COX10: variants seen among roughly 807,000 people sequenced by gnomAD.
COX10 encodes the protein cytochrome c oxidase assembly factor heme A:farnesyltransferase COX10.
A neutral mutation model predicts 37.3 loss-of-function variants in COX10; 27 were observed. That is an observed-to-expected ratio of 0.72 (90% CI 0.53 to 1.00). The LOEUF (loss-of-function observed/expected upper bound fraction) is 1.00, where lower values mean the gene tolerates loss of function less well. COX10 is among the 50% of genes least tolerant of loss of function. The probability of loss-of-function intolerance (pLI) is 0.00; values close to 1 mark genes in which losing one functional copy is unlikely to be tolerated. For missense variants in COX10, 475 were observed against 563.2 expected (o/e 0.84, Z 1.59); for synonymous variants, 222 against 229.1 (o/e 0.97, Z 0.28).
At chr17:14,166,671 G>C (rs1905293295) in intron 5 of COX10, among the ~76,000 whole-genome samples, 1 of 146,062 alleles carries the variant, frequency 6.8e-6, no homozygotes, top group Non-Finnish European at 1.5e-5. Context: ...GAGTACGGTG[G>C]TGCGATCTCA....
At position 14,166,168 on chromosome 17, in the gene COX10, C is replaced by T. The variant is rs112097456; in HGVS notation, c.695+6221C>T. Among the ~76,000 whole-genome samples the T allele has an allele frequency of 1.4e-3, 215 of 152,260 alleles. 2 individuals carry two copies. The highest frequency in any genetic ancestry group is 0.01 in the Middle Eastern group (3 of 294). On this transcript the variant is annotated intron_variant, in intron 5 of 6. Transcript: ENST00000261643. ...CTGAACAATAGAGTTTTCATATAGA[C>T]GAGACAACCCTCTATTGGAAGAAGA...
intron 4 of COX10, among the ~76,000 whole-genome samples, chr17:14,118,879 T>C (rs78195823): frequency 6.8e-6 from 1 of 147,408 alleles, no homozygotes; most frequent in Admixed American, 6.8e-5. Context: ...GTCAGGGAGC[T>C]TTTTTTTTTT....
intron 5 of COX10, among the ~76,000 whole-genome samples, chr17:14,191,180 G>C (rs1906189594): frequency 6.6e-6 from 1 of 152,018 alleles, no homozygotes; most frequent in Non-Finnish European, 1.5e-5. Context: ...CCTTTCACAA[G>C]ATTCTATACA....
intron 4 of COX10, among the ~76,000 whole-genome samples, chr17:14,152,077 C>G (rs1341247844): frequency 6.6e-6 from 1 of 152,100 alleles, no homozygotes; most frequent in Non-Finnish European, 1.5e-5. Context: ...AACTAAATAC[C>G]TTTAAGCAGC....
At position 14,160,056 on chromosome 17, in the gene COX10, C is replaced by A. The variant is rs1905140968; in HGVS notation, c.695+109C>A. 7.2e-6 allele frequency: 7 copies of A among 970,834 alleles called. No homozygotes were observed. In the South Asian group the frequency reaches 9.8e-5, roughly 14 times the overall value. The allele number at this position is 970,834 out of a possible 1,614,324, so 60.1% of individuals were successfully genotyped here. A position where few individuals can be genotyped will look rare whatever the true frequency, so the allele number is the denominator to read the frequency against. On this transcript the variant is annotated intron_variant, in intron 5 of 6. Transcript: ENST00000261643. ...TGAGCTGCGAAGTGGAAATAAAATA[C>A]CCACAAAGAAACAAAGTGATATGGA... is the stretch of plus-strand genomic sequence containing the variant.
rs912531291 is a variant in COX10, at chr17:14,207,443, C to A, written c.*230C>A. On this transcript the variant is annotated 3_prime_UTR_variant, in exon 7 of 7. Coordinates refer to ENST00000261643, the MANE Select transcript of COX10 (RefSeq NM_001303.4). ...AATACAAAAAAGGAATTATTTTTCC[C>A]TTTGAGGGTCTTTATACATCTCTCC... The A allele has an allele frequency of 8.5e-6, 5 of 587,886 alleles. No homozygotes were observed. The highest frequency in any genetic ancestry group is 1.2e-5 in the Non-Finnish European group (4 of 346,494). The allele number at this position is 587,886 out of a possible 1,614,324, so 36.4% of individuals were successfully genotyped here.
intron 5 of COX10, among the ~76,000 whole-genome samples, chr17:14,167,878 C>T (rs1266423107): frequency 1.3e-5 from 2 of 152,186 alleles, no homozygotes; most frequent in Non-Finnish European, 2.9e-5. Context: ...CAAACCATAT[C>T]ATTCCACCCC....
At chr17:14,150,395 T>C (rs918320611) in intron 4 of COX10, among the ~76,000 whole-genome samples, 1 of 152,240 alleles carries the variant, frequency 6.6e-6, no homozygotes, top group African/African-American at 2.4e-5. Context: ...ATAAGTTGTT[T>C]TCTGAAGAAA....
chr17:14,172,834 C>T (rs938522545), intron 5 of COX10, among the ~76,000 whole-genome samples: 4 of 151,786 alleles, frequency 2.6e-5, no homozygotes, highest in Admixed American at 6.6e-5. Flanking sequence ...ATTACAAGTG[C>T]GAGCCAACAC....
chr17:14,094,850 G>T (rs112023097), intron 3 of COX10, among the ~76,000 whole-genome samples: 1 of 152,226 alleles, frequency 6.6e-6, no homozygotes. Context: ...CAGTGCATTT[G>T]ATATAGTCAG....
intron 4 of COX10, among the ~76,000 whole-genome samples, chr17:14,110,633 A>G (rs1915988731): frequency 2.0e-5 from 3 of 151,762 alleles, no homozygotes; most frequent in African/African-American, 7.3e-5. Context: ...TCTTTTTTTA[A>G]TCTTCAGTTA....
intron 4 of COX10, among the ~76,000 whole-genome samples, chr17:14,158,177 A>G (rs1169681169): frequency 1.3e-5 from 2 of 152,176 alleles, no homozygotes; most frequent in African/African-American, 4.8e-5. Flanking sequence ...AGAAGAAAGA[A>G]AAAAATAAAT....
intron 3 of COX10, 57 bp downstream of exon 3, chr17:14,077,113 A>T: frequency 1.3e-6 from 2 of 1,554,870 alleles, no homozygotes; most frequent in Non-Finnish European, 1.8e-6. Context: ...AGTGAAACAA[A>T]AAGCTAATTT....
intron 4 of COX10, among the ~76,000 whole-genome samples, chr17:14,132,695 GAGA>G (rs1032493143): frequency 3.3e-5 from 5 of 151,476 alleles, no homozygotes; most frequent in Non-Finnish European, 5.9e-5. Context: ...TAAATTATTT[GAGA>G]AGAAGAAAAA....
At chr17:14,156,442 G>A (rs967537302) in intron 4 of COX10, among the ~76,000 whole-genome samples, 2 of 151,880 alleles carry the variant, frequency 1.3e-5, no homozygotes, top group African/African-American at 4.8e-5. Flanking sequence ...TGTATCCAGG[G>A]TGGTCTCCAT....
chr17:14,204,101 CA>C (rs1906625355), intron 6 of COX10, among the ~76,000 whole-genome samples: 1 of 152,126 alleles, frequency 6.6e-6, no homozygotes, highest in African/African-American at 2.4e-5. Context: ...CACTTTACTA[CA>C]ATATCATTAC....
chr17:14,186,570 C>T (rs1436786740), intron 5 of COX10, among the ~76,000 whole-genome samples: 3 of 151,924 alleles, frequency 2.0e-5, no homozygotes, highest in Non-Finnish European at 2.9e-5. Context: ...GCCTTGGCCA[C>T]GAACTGACCA....
At chr17:14,086,015 C>T (rs899380333) in intron 3 of COX10, among the ~76,000 whole-genome samples, 3 of 152,100 alleles carry the variant, frequency 2.0e-5, no homozygotes, top group African/African-American at 7.2e-5. Flanking sequence ...ATGTTTGCCT[C>T]CCAGCCTTCT....
chr17:14,072,069 T>TA (rs1368227401), intron 1 of COX10, among the ~76,000 whole-genome samples: 1 of 152,222 alleles, frequency 6.6e-6, no homozygotes, highest in Non-Finnish European at 1.5e-5. Context: ...TCTCTAAACT[T>TA]ACATTTGTTT....
Sources: allele counts gnomAD v4.1 joint callset (sites outside exome capture counted in the v4.1 genomes callset), GRCh38; gene constraint gnomAD v4.1.1; transcripts MANE v1.5; gene names NCBI Gene and HGNC (gene_info 2026-07-23, HGNC 2026-07-21).